HMGXB3: variants seen among roughly 807,000 people sequenced by gnomAD.
HMGXB3 encodes the protein HMG-box containing 3.
Under a neutral mutation model 121.5 loss-of-function variants are expected in HMGXB3, and 45 were observed. The ratio of observed to expected loss-of-function variants is 0.37; its 90% confidence interval spans 0.29 to 0.47. The LOEUF is 0.47. HMGXB3 is among the 20% of genes least tolerant of loss of function. The probability of loss-of-function intolerance (pLI) is 0.99; values close to 1 mark genes in which losing one functional copy is unlikely to be tolerated. For synonymous variants in HMGXB3, 590 were observed against 624.1 expected (o/e 0.95, Z 0.81); for missense variants, 1,376 against 1,602.2 (o/e 0.86, Z 2.41).
rs1385687426 is a variant in HMGXB3, at chr5:150,036,849, A to G, written c.2197A>G (p.Ile733Val). The change falls in exon 12 of 20, where the codon ATC becomes GTC. Residue 733 changes from isoleucine to valine, a missense_variant. Transcript: ENST00000502717. ...CAACGTGAGTGAGGAGACAGTCACC[A>G]TCGAGCAAACCTCTTGGTCGAATTA... ...LSNVSEETVT[I>V]EQTSWSNYYE... 3.9e-6 allele frequency: 6 copies of G among 1,551,704 alleles called. No individual in the cohort carries two copies. The highest frequency in any genetic ancestry group is 5.2e-6 in the Non-Finnish European group (6 of 1,146,976).
In HMGXB3 at chr5:150,012,203, GT is replaced by G. The variant is rs1755856001; in HGVS notation, c.811-50del. The stretch of plus-strand genomic sequence containing the variant: ...GCTTCCAGTGTTGAGTGGCCTGGGT[GT>G]TCTTTATTACTCTGTTTCAGTGAAA... On this transcript the variant is annotated intron_variant, in intron 4 of 19. Coordinates refer to ENST00000502717, the MANE Select transcript of HMGXB3 (RefSeq NM_014983.3). 3.0e-6 allele frequency: 4 copies of G among 1,322,236 alleles called. No homozygotes were observed. The Admixed American group carries it at 5.9e-5, about 20-fold the overall frequency. 81.9% of individuals were successfully genotyped at this position (1,322,236 alleles called of 1,614,324 possible).
chr5:150,051,628 CAA>C (rs1004731583), intron 19 of HMGXB3, 95 bp from the exon 20 acceptor site: 9 of 995,304 alleles, frequency 9.0e-6, no homozygotes, highest in Non-Finnish European at 1.2e-5. Context: ...TGTTAGGATT[CAA>C]AGAGGGCTGG....
At chr5:150,017,501 T>C (rs529007741) in intron 5 of HMGXB3, among the ~76,000 whole-genome samples, 1 of 152,346 alleles carries the variant, frequency 6.6e-6, no homozygotes. Flanking sequence ...TAAGGTTCCT[T>C]ACCACCAGGT....
At chr5:150,042,334 C>T (rs894819506) in intron 15 of HMGXB3, among the ~76,000 whole-genome samples, 1 of 152,190 alleles carries the variant, frequency 6.6e-6, no homozygotes, top group Admixed American at 6.5e-5. Flanking sequence ...AAACAAATAT[C>T]TGTCCAGGAG....
rs561277817 is a variant in HMGXB3 at position 150,009,657 on chromosome 5, T to G, written c.313-454T>G. Among the ~76,000 whole-genome samples, 3 of 152,328 alleles carry G rather than the reference T, an allele frequency of 2.0e-5. No individual in the cohort carries two copies. The South Asian group carries it at 6.2e-4, about 32-fold the overall frequency. ...TTGGGTTTTTATTGAGCGTTATACA[T>G]TCTAATGTTTGAATCTTATGCTGCT... On this transcript the variant is annotated intron_variant, in intron 3 of 19. Transcript: ENST00000502717.
chr5:150,046,656 C>CA (rs1411796938), intron 16 of HMGXB3, among the ~76,000 whole-genome samples: 2 of 151,816 alleles, frequency 1.3e-5, no homozygotes, highest in Non-Finnish European at 2.9e-5. Context: ...ACTAAAAACA[C>CA]AAAAAATTAG....
At chr5:150,036,544 A>G in intron 11 of HMGXB3, 92 bp from the exon 12 acceptor site, 1 of 1,204,498 alleles carries the variant, frequency 8.3e-7, no homozygotes, top group South Asian at 1.6e-5. Flanking sequence ...CATGGGCCCC[A>G]TCTGTCTGCT....
intron 13 of HMGXB3, among the ~76,000 whole-genome samples, chr5:150,039,400 T>A (rs1756573355): frequency 6.6e-6 from 1 of 152,210 alleles, no homozygotes; most frequent in Non-Finnish European, 1.5e-5. Context: ...ATGACATGGT[T>A]CAATTTCTAG....
rs568725443 is a variant in HMGXB3, at chr5:150,010,801, T to G, written c.810+193T>G. Among the ~76,000 whole-genome samples, 31 of 152,344 alleles carry G rather than the reference T, an allele frequency of 2.0e-4. No individual in the cohort carries two copies. The South Asian group carries it at 5.6e-3, about 27-fold the overall frequency. ...TTCCTTGAAATTTCTCAGGCACTCTTACCAACTCTTTGCCCAGCTTAGCCA... is the reference window on the plus strand; with the variant it reads ...TTCCTTGAAATTTCTCAGGCACTCTGACCAACTCTTTGCCCAGCTTAGCCA... On this transcript the variant is annotated intron_variant, in intron 4 of 19. Transcript: ENST00000502717.
At chr5:150,018,349 T>C (rs1442016051) in intron 5 of HMGXB3, among the ~76,000 whole-genome samples, 1 of 152,252 alleles carries the variant, frequency 6.6e-6, no homozygotes, top group Non-Finnish European at 1.5e-5. Context: ...AACTGTAATG[T>C]TGGGCAATTG....
chr5:150,016,958 A>G (rs944023808), intron 5 of HMGXB3, among the ~76,000 whole-genome samples: 1 of 152,224 alleles, frequency 6.6e-6, no homozygotes, highest in Non-Finnish European at 1.5e-5. Context: ...CTCTACTGAG[A>G]TAAACAATAT....
At chr5:150,025,742 A>G (rs1051499962) in intron 7 of HMGXB3, among the ~76,000 whole-genome samples, 1 of 141,524 alleles carries the variant, frequency 7.1e-6, no homozygotes, top group Non-Finnish European at 1.6e-5. Flanking sequence ...TAATTTTTGT[A>G]TTTTTTTTTT....
At position 150,037,379 on chromosome 5, in the gene HMGXB3, TGGTGATG is replaced by T; in HGVS notation, c.2286-20_2286-14del. On this transcript the variant is annotated splice_polypyrimidine_tract_variant and intron_variant, in intron 12 of 19. Transcript: ENST00000502717. ...GTCTCTTTCCCTTCTTTTTTTTTGT[TGGTGATG>T]TTTCTGGTACTAGCTCCCTGGCTGG... is the stretch of plus-strand genomic sequence containing the variant. 2 of 1,511,762 alleles carry T rather than the reference TGGTGATG, an allele frequency of 1.3e-6. No homozygotes were observed. The highest frequency in any genetic ancestry group is 8.9e-7 in the Non-Finnish European group (1 of 1,126,164). The allele number at this position is 1,511,762 out of a possible 1,614,324, so 93.6% of individuals were successfully genotyped here.
chr5:150,052,246 G>T lies in HMGXB3; in HGVS notation c.*54G>T, dbSNP rs1442953066. The T allele has an allele frequency of 7.2e-7, 1 of 1,387,596 alleles. No homozygotes were observed. The highest frequency in any genetic ancestry group is 2.5e-5 in the East Asian group (1 of 39,892). 86.0% of individuals were successfully genotyped at this position (1,387,596 alleles called of 1,614,324 possible). ...TCTCTCAAGCCATAGTAAGGCCCTT[G>T]CCTGAGGCAGAGCTATCCAGGGGAC... is the stretch of plus-strand genomic sequence containing the variant. On this transcript the variant is annotated 3_prime_UTR_variant, in exon 20 of 20. Transcript: ENST00000502717.
intron 18 of HMGXB3, among the ~76,000 whole-genome samples, chr5:150,049,243 C>G (rs1297503472): frequency 6.6e-6 from 1 of 152,196 alleles, no homozygotes; most frequent in Non-Finnish European, 1.5e-5. Context: ...ATAGAGCTCT[C>G]TAGGCCAGAG....
intron 15 of HMGXB3, among the ~76,000 whole-genome samples, chr5:150,044,866 A>T (rs115954613): frequency 6.6e-6 from 1 of 152,222 alleles, no homozygotes; most frequent in Non-Finnish European, 1.5e-5. Context: ...AGCGCTATTA[A>T]TAGATGTCTA....
intron 13 of HMGXB3, 37 bp downstream of exon 13, chr5:150,037,564 A>G (rs1442735874): frequency 4.1e-6 from 6 of 1,473,322 alleles, no homozygotes; most frequent in Non-Finnish European, 4.6e-6. Context: ...GAGCATCCCA[A>G]AGCAGGCTTG....
Position 150,050,282 on chromosome 5 carries a change from G to T in HMGXB3, c.3232G>T (p.Gly1078Cys). Residue 1078 changes from glycine to cysteine, a missense_variant, in exon 19 of 20, where the codon GGT (glycine) becomes TGT (cysteine). Transcript: ENST00000502717. ...VVCGSKYLVR[G>C]ESARDHVDLL... ...CTGCGGCTCCAAGTATCTTGTGCGA[G>T]GTGAGAGTGCCCGTGACCATGTGGA... 6.4e-7 allele frequency: 1 copy of T among 1,551,900 alleles called. No homozygotes were observed. Among genetic ancestry groups the T allele is most frequent in the Non-Finnish European group, 8.7e-7 (1 of 1,147,016 alleles).
At chr5:150,043,335 T>A (rs1282284109) in intron 15 of HMGXB3, among the ~76,000 whole-genome samples, 1 of 152,242 alleles carries the variant, frequency 6.6e-6, no homozygotes, top group Non-Finnish European at 1.5e-5. Flanking sequence ...GCGCCTTGAA[T>A]ATGCCAGTAG....
Sources: gnomAD v4.1 joint callset for allele counts (sites outside exome capture counted in the v4.1 genomes callset) on GRCh38, gnomAD v4.1.1 for gene constraint, MANE v1.5 for transcripts, NCBI Gene and HGNC (gene_info 2026-07-23, HGNC 2026-07-21) for gene names.